The following CTNNA2 variants were observed in gnomAD, a reference collection of about 807,000 sequenced individuals.
CTNNA2 encodes catenin alpha 2, also known as catenin alpha-2.
A neutral mutation model predicts 101.0 loss-of-function variants in CTNNA2; 42 were observed. That is an observed-to-expected ratio of 0.42 (90% CI 0.32 to 0.54). CTNNA2 has a LOEUF of 0.54. Ranked by LOEUF, CTNNA2 falls within the 20% of genes least tolerant of loss-of-function variation. The probability of loss-of-function intolerance (pLI) is 0.14; values close to 1 mark genes in which losing one functional copy is unlikely to be tolerated. For synonymous variants in CTNNA2, 450 were observed against 456.4 expected (o/e 0.99, Z 0.18); for missense variants, 871 against 1,223.1 (o/e 0.71, Z 4.29).
intron 7 of CTNNA2, among the ~76,000 whole-genome samples, chr2:80,170,126 A>G (rs1408201733): frequency 6.6e-6 from 1 of 152,096 alleles, no homozygotes; most frequent in Non-Finnish European, 1.5e-5. Flanking sequence ...TCTGGACTAA[A>G]TAATTGATAT....
At chr2:79,962,944 G>A (rs1432709065) in intron 7 of CTNNA2, among the ~76,000 whole-genome samples, 14 of 151,262 alleles carry the variant, frequency 9.3e-5, no homozygotes, top group African/African-American at 1.2e-4. Context: ...AGTGGCGGGC[G>A]CCTGTAGTCC....
At chr2:79,544,612 A>C (rs2104009338) in intron 1 of CTNNA2, among the ~76,000 whole-genome samples, 1 of 152,304 alleles carries the variant, frequency 6.6e-6, no homozygotes, top group East Asian at 1.9e-4. Context: ...TAGCTATATT[A>C]GGTTTTAGTG....
At chr2:80,103,043 T>C (rs1700645987) in intron 7 of CTNNA2, among the ~76,000 whole-genome samples, 1 of 152,136 alleles carries the variant, frequency 6.6e-6, no homozygotes, top group East Asian at 1.9e-4. Context: ...TGCTCATATG[T>C]GGGGGCCATC....
chr2:79,914,780 CT>C (rs1393556030), intron 7 of CTNNA2, among the ~76,000 whole-genome samples: 1 of 151,650 alleles, frequency 6.6e-6, no homozygotes, highest in African/African-American at 2.4e-5. Context: ...TTGGATCCAA[CT>C]TTTTTTCAAG....
chr2:80,111,343 T>C (rs948513856), intron 7 of CTNNA2, among the ~76,000 whole-genome samples: 1 of 152,228 alleles, frequency 6.6e-6, no homozygotes, highest in Admixed American at 6.5e-5. Context: ...CTGGGGGCTA[T>C]GACTACATGA....
intron 3 of CTNNA2, among the ~76,000 whole-genome samples, chr2:79,802,628 T>C (rs949073513): frequency 8.5e-5 from 13 of 152,226 alleles, no homozygotes; most frequent in Non-Finnish European, 1.8e-4. Context: ...TCAGGAGTAG[T>C]TGTAGATACA....
intron 18 of CTNNA2, among the ~76,000 whole-genome samples, chr2:80,628,566 CACAAAACCTATTCTTACACCTTAT>C (rs931906500): frequency 4.0e-5 from 6 of 150,680 alleles, no homozygotes; most frequent in African/African-American, 1.2e-4. Context: ...TTACACCTTA[CACAAAACCTATTCTTACACCTTAT>C]ACAAAACCTA....
intron 4 of CTNNA2, among the ~76,000 whole-genome samples, chr2:79,398,301 C>T (rs1678253452): frequency 6.6e-6 from 1 of 152,110 alleles, no homozygotes; most frequent in Non-Finnish European, 1.5e-5. Flanking sequence ...TAACCTTTGA[C>T]TCCCAACATC....
At chr2:79,218,311 TTGTGTGTGTGTGTGTGTG>T (rs60680995) in intron 2 of CTNNA2, among the ~76,000 whole-genome samples, 3 of 114,758 alleles carry the variant, frequency 2.6e-5, no homozygotes, top group Admixed American at 9.1e-5. Flanking sequence ...TTCATGAACT[TTGTGTGTGTGTGTGTGTG>T]TGTGTGTGTG....
intron 14 of CTNNA2, among the ~76,000 whole-genome samples, chr2:80,587,761 C>A (rs1255136903): frequency 6.6e-6 from 1 of 152,130 alleles, no homozygotes; most frequent in South Asian, 2.1e-4. Context: ...CCAAACTGTA[C>A]CCTCTTGGTC....
chr2:79,512,524 T>C (rs990845859), upstream of CTNNA2, among the ~76,000 whole-genome samples: 2 of 151,968 alleles, frequency 1.3e-5, no homozygotes, highest in Admixed American at 6.5e-5. Flanking sequence ...GTCGGACCCC[T>C]GCTGGGCTGG....
intron 2 of CTNNA2, among the ~76,000 whole-genome samples, chr2:79,301,676 C>T (rs1170707325): frequency 6.6e-6 from 1 of 152,100 alleles, no homozygotes; most frequent in Non-Finnish European, 1.5e-5. Context: ...CCCCTGTCTC[C>T]CCTTGAGTAC....
intron 3 of CTNNA2, among the ~76,000 whole-genome samples, chr2:79,746,370 A>G (rs1427624353): frequency 6.6e-6 from 1 of 152,224 alleles, no homozygotes; most frequent in Non-Finnish European, 1.5e-5. Flanking sequence ...TTTTCACTCT[A>G]TTGTGACCTT....
At chr2:80,214,636 G>A (rs986305782) in intron 7 of CTNNA2, among the ~76,000 whole-genome samples, 5 of 152,210 alleles carry the variant, frequency 3.3e-5, no homozygotes, top group Admixed American at 2.6e-4. Context: ...CTCTCTGGCT[G>A]TGATGGGCTT....
intron 2 of CTNNA2, among the ~76,000 whole-genome samples, chr2:79,262,144 G>A (rs1233524584): frequency 2.0e-5 from 3 of 152,036 alleles, no homozygotes; most frequent in African/African-American, 7.2e-5. Context: ...AATAAAGAGA[G>A]GATTCTTACT....
chr2:79,853,531 C>T (rs62141578), intron 3 of CTNNA2, among the ~76,000 whole-genome samples: 32,325 of 152,148 alleles, frequency 0.21, 4,177 homozygotes, highest in Non-Finnish European at 0.3. Flanking sequence ...TGACCTTACA[C>T]GCAGGCCCCT....
chr2:79,755,725 C>G (rs1451301910), intron 3 of CTNNA2, among the ~76,000 whole-genome samples: 1 of 152,132 alleles, frequency 6.6e-6, no homozygotes, highest in Non-Finnish European at 1.5e-5. Context: ...TTGAGAATCA[C>G]TAATAGCCTA....
intron 2 of CTNNA2, among the ~76,000 whole-genome samples, chr2:79,723,696 A>G (rs1280289327): frequency 6.6e-6 from 1 of 152,204 alleles, no homozygotes. Context: ...TGCTGATCAT[A>G]CATATGGTAC....
chr2:80,293,737 T>C (rs140698025), intron 7 of CTNNA2, among the ~76,000 whole-genome samples: 24 of 152,328 alleles, frequency 1.6e-4, no homozygotes, highest in African/African-American at 5.8e-4. Context: ...CTAGGATTTA[T>C]GTTTACATTC....
Sources: gnomAD v4.1 joint callset for allele counts (sites outside exome capture counted in the v4.1 genomes callset) on GRCh38, gnomAD v4.1.1 for gene constraint, MANE v1.5 for transcripts, NCBI Gene and HGNC (gene_info 2026-07-23, HGNC 2026-07-21) for gene names.